INSRR: variants seen among roughly 807,000 people sequenced by gnomAD.
INSRR encodes insulin receptor related receptor, also known as insulin receptor-related protein.
In INSRR, 114 loss-of-function variants were observed where a neutral mutation model predicts 130.0. The ratio of observed to expected loss-of-function variants is 0.88; its 90% CI spans 0.75 to 1.02. INSRR has a LOEUF of 1.02. Ranked by LOEUF, INSRR falls within the 50% of genes least tolerant of loss-of-function variation. The pLI is 0.00. For synonymous variants in INSRR, 674 were observed against 705.2 expected (o/e 0.96, Z 0.70); for missense variants, 1,657 against 1,735.2 (o/e 0.95, Z 0.80).
chr1:156,849,509 G>A (rs746834062), intron 5 of INSRR, 49 bp from the exon 6 acceptor site: 2 of 1,105,738 alleles, frequency 1.8e-6, no homozygotes, highest in South Asian at 2.5e-5. Flanking sequence ...GGGGCAGGGG[G>A]TGGGAAAGGG....
At position 156,849,476 on chromosome 1, in the gene INSRR, GGA is replaced by G; in HGVS notation, c.1230-18_1230-17del. ...AGTGTAGTTCCTGGGGGAGGCCAGG[GGA>G]CCTTGCTCTGCGGGGAGGTGGGGGC... is the stretch of plus-strand genomic sequence containing the variant. On this transcript the variant is annotated splice_polypyrimidine_tract_variant and intron_variant, in intron 5 of 21. Transcript: ENST00000368195. 6.4e-7 allele frequency: 1 copy of G among 1,571,884 alleles called. No individual in the cohort carries two copies. Among genetic ancestry groups the G allele is most frequent in the East Asian group, 2.3e-5 (1 of 44,444 alleles).
chr1:156,843,135 G>A lies in INSRR; in HGVS notation c.2995C>T (p.Arg999Ter), dbSNP rs137951915. The change falls in exon 17 of 22, where the codon CGA (arginine) becomes TGA (stop). Residue 999 changes from arginine to a stop codon, truncating the protein, a stop_gained. Coordinates refer to ENST00000368195, the MANE Select transcript of INSRR (RefSeq NM_014215.3). LOFTEE classifies it high-confidence loss of function. ...GACTCCTCTCCAGCCTCAAGTCCTC[G>A]TGCCAGCCCCTCATATACCATCCCA... ...SFGMVYEGLA[R>*]GLEAGEESTP... 84 of 1,613,946 alleles carry A rather than the reference G, an allele frequency of 5.2e-5. No individual in the cohort carries two copies. Among genetic ancestry groups the A allele is most frequent in the Admixed American group, 6.7e-5 (4 of 59,986 alleles).
In INSRR at chr1:156,853,828, A is replaced by G. The variant is rs1026494800; in HGVS notation, c.561T>C (p.Ala187=). 1.2e-6 allele frequency: 2 copies of G among 1,613,620 alleles called. No homozygotes were observed. The highest frequency in any genetic ancestry group is 1.7e-6 in the Non-Finnish European group (2 of 1,179,858). The part of the protein sequence containing the change: ...ADVCPGVLGA[A]GEPCAKTTFS... Reference sequence around the variant, plus strand: ...AGGTGGTCTTGGCACAGGGCTCACCAGCAGCACCCAGCACACCAGGGCACA... The same window carrying G: ...AGGTGGTCTTGGCACAGGGCTCACCGGCAGCACCCAGCACACCAGGGCACA... The change falls in exon 2 of 22, where the codon GCT becomes GCC. Residue 187 remains alanine (A), a synonymous_variant. Coordinates refer to ENST00000368195, the MANE Select transcript of INSRR (RefSeq NM_014215.3).
In INSRR at chr1:156,845,103, A is replaced by C; in HGVS notation, c.2410T>G (p.Phe804Val). The stretch of plus-strand genomic sequence containing the variant: ...TGGGGCATGGTGCGCGCAAAGACGA[A>C]GGTGGCGGCGCTGCAGCCCACGGTG... ...AHTVGCSAAT[F>V]VFARTMPHRE... Residue 804 changes from phenylalanine to valine, a missense_variant, in exon 12 of 22, where the codon TTC becomes GTC. Transcript: ENST00000368195. 1 of 1,610,568 alleles carries C rather than the reference A, an allele frequency of 6.2e-7. No homozygotes were observed. Among genetic ancestry groups the C allele is most frequent in the Non-Finnish European group, 8.5e-7 (1 of 1,178,874 alleles).
At chr1:156,852,303 G>C (rs1484570647) in intron 2 of INSRR, 112 bp from the exon 3 acceptor site, 1 of 1,058,142 alleles carries the variant, frequency 9.5e-7, no homozygotes, top group Admixed American at 2.6e-5. Flanking sequence ...CTGCACCCAG[G>C]TCCCTCCCAT....
rs746301621 is a variant in INSRR, at chr1:156,848,965, C to T, written c.1527G>A (p.Leu509=). The part of the protein sequence containing the change: ...ILLRWERYEP[L]EARDLLSFIV... Reference sequence around the variant, plus strand: ...TGAAGCTGAGCAGGTCGCGGGCCTCCAGTGGCTCATAGCGCTCCCAGCGTA... The same window carrying T: ...TGAAGCTGAGCAGGTCGCGGGCCTCTAGTGGCTCATAGCGCTCCCAGCGTA... The change falls in exon 7 of 22, where the codon CTG becomes CTA. Residue 509 remains leucine, a synonymous_variant. Transcript: ENST00000368195. The T allele has an allele frequency of 1.9e-6, 3 of 1,605,102 alleles. No homozygotes were observed. The East Asian group carries it at 6.7e-5, about 36-fold the overall frequency.
intron 4 of INSRR, 91 bp from the exon 5 acceptor site, chr1:156,851,525 G>A (rs772113116): frequency 6.2e-7 from 1 of 1,601,916 alleles, no homozygotes; most frequent in Non-Finnish European, 8.6e-7. Context: ...GGGAAGGTGG[G>A]CCCTCAGGAC....
At position 156,851,888 on chromosome 1, in the gene INSRR, C is replaced by G; in HGVS notation, c.941G>C (p.Ser314Thr). 1 of 1,580,934 alleles carries G rather than the reference C, an allele frequency of 6.3e-7. No homozygotes were observed. Among genetic ancestry groups the G allele is most frequent in the Non-Finnish European group, 8.6e-7 (1 of 1,159,324 alleles). Residue 314 changes from serine to threonine, a missense_variant and splice_region_variant, in exon 3 of 22, where the codon AGC (serine) becomes ACC (threonine). Ser to Thr is a moderately conservative substitution (Grantham distance 58). Coordinates refer to ENST00000368195, the MANE Select transcript of INSRR (RefSeq NM_014215.3). Reference sequence around the variant, plus strand: ...TGCCCCCCACCCTCCCTACACTCACCTGCTGCTATTACGGGTGAAGCCAGA... The same window carrying G: ...TGCCCCCCACCCTCCCTACACTCACGTGCTGCTATTACGGGTGAAGCCAGA... ...CPSGFTRNSSSIFCHKCEGLC... is the reference protein window; with the variant it reads ...CPSGFTRNSSTIFCHKCEGLC...
chr1:156,840,574 C>T lies in INSRR; in HGVS notation c.*299G>A, dbSNP rs1654735484. On this transcript the variant is annotated 3_prime_UTR_variant, in exon 22 of 22. Transcript: ENST00000368195. ...GGCCTCTAGGGTGGGCGGGCCCCCT[C>T]TTCCTAGTCTGAGTGGGGTCCCTAC... is the stretch of plus-strand genomic sequence containing the variant. 4 of 444,326 alleles carry T rather than the reference C, an allele frequency of 9.0e-6. No homozygotes were observed. In the South Asian group the frequency reaches 1.0e-4, roughly 11 times the overall value. The allele number at this position is 444,326 out of a possible 1,614,324, so 27.5% of individuals were successfully genotyped here.
intron 21 of INSRR, 49 bp from the exon 22 acceptor site, chr1:156,841,153 C>A (rs374129757): frequency 1.4e-6 from 2 of 1,386,330 alleles, no homozygotes; most frequent in African/African-American, 1.4e-5. Context: ...GCCCCTGCCA[C>A]GCTCTCAGCC....
At chr1:156,851,268 T>C in intron 5 of INSRR, 22 bp downstream of exon 5, 1 of 1,613,900 alleles carries the variant, frequency 6.2e-7, no homozygotes, top group South Asian at 1.1e-5. Context: ...TAGAAGGAGC[T>C]GGTCAGAGGC....
intron 5 of INSRR, among the ~76,000 whole-genome samples, 188 bp from the exon 6 acceptor site, chr1:156,849,648 A>G (rs1655135766): frequency 6.6e-6 from 1 of 152,114 alleles, no homozygotes; most frequent in South Asian, 2.1e-4. Context: ...CAGGAGTATG[A>G]TGTCTGCCAA....
At chr1:156,852,322 C>T in intron 2 of INSRR, 131 bp from the exon 3 acceptor site, 2 of 880,600 alleles carry the variant, frequency 2.3e-6, no homozygotes, top group Non-Finnish European at 3.4e-6. Context: ...ATTCAGATGA[C>T]ACTGGTTGCC....
In INSRR at chr1:156,858,317, G is replaced by A. The variant is rs139203325; in HGVS notation, c.85+220C>T. 2.1e-3 allele frequency among the ~76,000 whole-genome samples: 313 copies of A among 152,300 alleles called. 2 individuals carry two copies. The highest frequency in any genetic ancestry group is 6.5e-3 in the African/African-American group (272 of 41,562). On this transcript the variant is annotated intron_variant, in intron 1 of 21. Coordinates refer to ENST00000368195, the MANE Select transcript of INSRR (RefSeq NM_014215.3). ...GGACGGAAGATATCTACTTGTCCAC[G>A]TTTTGAAGCTCTTCTCATCTCTGAG...
In INSRR at chr1:156,840,535, A is replaced by T; in HGVS notation, c.*338T>A. On this transcript the variant is annotated 3_prime_UTR_variant, in exon 22 of 22. Coordinates refer to ENST00000368195, the MANE Select transcript of INSRR (RefSeq NM_014215.3). Reference sequence around the variant, plus strand: ...GCCCTACCTGTCCAGAGGAGACCCCAAACTGAGGGGCAGGGCCTCTAGGGT... The same window carrying T: ...GCCCTACCTGTCCAGAGGAGACCCCTAACTGAGGGGCAGGGCCTCTAGGGT... 2.9e-6 allele frequency: 1 copy of T among 340,154 alleles called. No individual in the cohort carries two copies. The highest frequency in any genetic ancestry group is 3.2e-5 in the South Asian group (1 of 31,098). 21.1% of individuals were successfully genotyped at this position (340,154 alleles called of 1,614,324 possible).
chr1:156,840,834 G>A lies in INSRR; in HGVS notation c.*39C>T, dbSNP rs767099671. On this transcript the variant is annotated 3_prime_UTR_variant, in exon 22 of 22. Transcript: ENST00000368195. ...AGCCACAGAGGTCGGGTCCCTTCCT[G>A]TCTCCCCATGGGAGGCCAGCCAGGG... 6 of 1,511,710 alleles carry A rather than the reference G, an allele frequency of 4.0e-6. No individual in the cohort carries two copies. The highest frequency in any genetic ancestry group is 2.7e-5 in the African/African-American group (2 of 72,850). 93.6% of individuals were successfully genotyped at this position (1,511,710 alleles called of 1,614,324 possible). A position where few individuals can be genotyped will look rare whatever the true frequency, so the allele number is the denominator to read the frequency against.
chr1:156,851,899 A>G lies in INSRR; in HGVS notation c.930T>C (p.Arg310=), dbSNP rs1046691601. 6.3e-7 allele frequency: 1 copy of G among 1,585,072 alleles called. No individual in the cohort carries two copies. Among genetic ancestry groups the G allele is most frequent in the Non-Finnish European group, 8.6e-7 (1 of 1,161,312 alleles). ...CLAQCPSGFT[R]NSSSIFCHKC... ...CTCCCTACACTCACCTGCTGCTATT[A>G]CGGGTGAAGCCAGAAGGGCACTGGG... Residue 310 remains arginine (R), a synonymous_variant, in exon 3 of 22, where the codon CGT becomes CGC. Coordinates refer to ENST00000368195, the MANE Select transcript of INSRR (RefSeq NM_014215.3).
At position 156,854,565 on chromosome 1, in the gene INSRR, C is replaced by T. The variant is rs373109448; in HGVS notation, c.86-262G>A. Among the ~76,000 whole-genome samples the T allele has an allele frequency of 1.2e-4, 19 of 152,304 alleles. No homozygotes were observed. Among genetic ancestry groups the T allele is most frequent in the African/African-American group, 3.6e-4 (15 of 41,576 alleles). On this transcript the variant is annotated intron_variant, in intron 1 of 21. Coordinates refer to ENST00000368195, the MANE Select transcript of INSRR (RefSeq NM_014215.3). This position sits in a 1 kb window ranked among gnomAD's most constrained non-coding sequence, Gnocchi z 4.2. ...CCCATCTCCCCTTCTTGGTTAATAG[C>T]GACTTCATTCTTGCAGTCAGGCTCC... is the stretch of plus-strand genomic sequence containing the variant.
In INSRR at chr1:156,840,927, G is replaced by A. The variant is rs777401588; in HGVS notation, c.3840C>T (p.Asp1280=). Residue 1280 remains aspartate (D), a synonymous_variant, in exon 22 of 22, where the codon GAC becomes GAT. Coordinates refer to ENST00000368195, the MANE Select transcript of INSRR (RefSeq NM_014215.3). ...TGCAGTCTCTTGGAGTGGGTGAGGA[G>A]TCAGGCTCTGCATCGGTGGTAGGCA... The part of the protein sequence containing the change: ...GSLPTTDAEP[D]SSPTPRDCSP... The A allele has an allele frequency of 6.2e-7, 1 of 1,614,122 alleles. No homozygotes were observed. Among genetic ancestry groups the A allele is most frequent in the Admixed American group, 1.7e-5 (1 of 60,028 alleles).
Sources: gnomAD v4.1 joint callset for allele counts (sites outside exome capture counted in the v4.1 genomes callset) on GRCh38, gnomAD v4.1.1 for gene constraint, Gnocchi (gnomAD v3.1) non-coding constraint, MANE v1.5 for transcripts, NCBI Gene and HGNC (gene_info 2026-07-23, HGNC 2026-07-21) for gene names.